The following CHCHD3 variants were observed in gnomAD, a reference collection of about 807,000 sequenced individuals.
The protein encoded by CHCHD3 is coiled-coil-helix-coiled-coil-helix domain containing 3, also known as MICOS complex subunit MIC19.
In CHCHD3, 20 loss-of-function variants were observed where a neutral mutation model predicts 38.2. That is an observed-to-expected ratio of 0.52 (90% confidence interval 0.37 to 0.76). CHCHD3 has a LOEUF of 0.76. CHCHD3 is among the 30% of genes least tolerant of loss of function. The pLI, the probability that CHCHD3 is intolerant of heterozygous loss-of-function variation, is 0.00. For missense variants in CHCHD3, 245 were observed against 279.2 expected (o/e 0.88, Z 0.87); for synonymous variants, 82 against 100.0 (o/e 0.82, Z 1.07).
At chr7:133,006,458 C>T (rs566867858) in intron 3 of CHCHD3, among the ~76,000 whole-genome samples, 27 of 150,816 alleles carry the variant, frequency 1.8e-4, no homozygotes, top group African/African-American at 6.3e-4. Context: ...CAGAGCAAGA[C>T]TCCGTCTCAT....
chr7:132,911,100 A>C (rs1269870484), intron 4 of CHCHD3, among the ~76,000 whole-genome samples: 3 of 152,214 alleles, frequency 2.0e-5, no homozygotes, highest in African/African-American at 7.2e-5. Context: ...ATAAGGGTTA[A>C]AAGGGCAAGA....
intron 3 of CHCHD3, among the ~76,000 whole-genome samples, chr7:132,985,457 A>G (rs868553750): frequency 2.8e-5 from 1 of 36,014 alleles, no homozygotes; most frequent in Non-Finnish European, 5.6e-5. Context: ...TACTGGGAAG[A>G]GAGGAGCCCC....
At chr7:132,863,051 T>C (rs1226565114) in intron 5 of CHCHD3, among the ~76,000 whole-genome samples, 2 of 152,200 alleles carry the variant, frequency 1.3e-5, no homozygotes, top group Non-Finnish European at 2.9e-5. Context: ...TTAACTGATA[T>C]TTTGACCTCT....
intron 4 of CHCHD3, among the ~76,000 whole-genome samples, chr7:132,927,891 A>G (rs1223646733): frequency 6.6e-6 from 1 of 152,216 alleles, no homozygotes; most frequent in Admixed American, 6.5e-5. Context: ...ACCTACTCCT[A>G]AAGACATCTT....
intron 5 of CHCHD3, among the ~76,000 whole-genome samples, chr7:132,881,848 A>G (rs952077675): frequency 1.3e-5 from 2 of 152,220 alleles, no homozygotes; most frequent in Admixed American, 6.6e-5. Flanking sequence ...AATACAGAAG[A>G]AAATCTCTTT....
intron 4 of CHCHD3, among the ~76,000 whole-genome samples, chr7:132,961,195 T>C (rs1309277911): frequency 6.6e-6 from 1 of 152,198 alleles, no homozygotes; most frequent in East Asian, 1.9e-4. Flanking sequence ...AGCAGGAGGA[T>C]CACTTGAGCC....
At chr7:132,793,194 T>TACAA (rs1806510255) in intron 7 of CHCHD3, among the ~76,000 whole-genome samples, 1 of 152,110 alleles carries the variant, frequency 6.6e-6, no homozygotes, top group African/African-American at 2.4e-5. Flanking sequence ...ACCTATTTGG[T>TACAA]ACAAGCAGCA....
intron 3 of CHCHD3, among the ~76,000 whole-genome samples, chr7:133,019,991 AACAGACTGCCG>A (rs561518721): frequency 2.8e-4 from 42 of 152,192 alleles, no homozygotes; most frequent in Admixed American, 1.9e-3. Context: ...TCACAGCAAA[AACAGACTGCCG>A]ACAGAGGCAT....
chr7:132,943,317 C>T (rs1160006268), intron 4 of CHCHD3, among the ~76,000 whole-genome samples: 6 of 152,046 alleles, frequency 3.9e-5, no homozygotes, highest in Non-Finnish European at 7.4e-5. Context: ...ATTGCCTTGA[C>T]AAATATTTTT....
At chr7:133,079,031 C>T (rs924831349) in intron 1 of CHCHD3, among the ~76,000 whole-genome samples, 1 of 152,074 alleles carries the variant, frequency 6.6e-6, no homozygotes, top group Non-Finnish European at 1.5e-5. Context: ...CTATTTAAAG[C>T]CAAGAAAAAT....
intron 3 of CHCHD3, among the ~76,000 whole-genome samples, chr7:132,996,835 C>T (rs1162784456): frequency 1.3e-5 from 2 of 152,102 alleles, no homozygotes; most frequent in Non-Finnish European, 2.9e-5. Context: ...GGGTGGGACG[C>T]AAAGCAAGGG....
rs58508838 is a variant in CHCHD3, at chr7:132,799,007, CTGTGTGTGTG to C, written c.525-2440_525-2431del. Reference sequence around the variant, plus strand: ...TTGATTTCCTGTTTGGTGATCTGTTCTGTGTGTGTGTGTGTGTGTGTGTGTGTGTGTGTGT... The same window carrying C: ...TTGATTTCCTGTTTGGTGATCTGTTCTGTGTGTGTGTGTGTGTGTGTGTGT... On this transcript the variant is annotated intron_variant, in intron 6 of 7. Transcript: ENST00000262570. Among the ~76,000 whole-genome samples, 311 of 145,582 alleles carry C rather than the reference CTGTGTGTGTG, an allele frequency of 2.1e-3. 3 individuals carry two copies. Among genetic ancestry groups the C allele is most frequent in the African/African-American group, 4.0e-3 (157 of 39,196 alleles).
chr7:133,023,561 G>C (rs756097028), intron 3 of CHCHD3, among the ~76,000 whole-genome samples: 3 of 152,112 alleles, frequency 2.0e-5, no homozygotes, highest in Non-Finnish European at 4.4e-5. Flanking sequence ...GCATGTGTTT[G>C]GTGCTCACAG....
intron 2 of CHCHD3, among the ~76,000 whole-genome samples, chr7:133,039,584 A>T (rs1296054676): frequency 2.0e-5 from 3 of 152,242 alleles, no homozygotes; most frequent in Admixed American, 6.5e-5. Context: ...CTTGCATGTC[A>T]GAGTTGCCAA....
intron 3 of CHCHD3, among the ~76,000 whole-genome samples, chr7:133,010,965 G>A (rs1048758744): frequency 6.6e-6 from 1 of 152,196 alleles, no homozygotes; most frequent in East Asian, 1.9e-4. Context: ...GCTAGGATGA[G>A]AGAACAGGAA....
chr7:133,031,531 TC>T (rs1813504167), intron 2 of CHCHD3, among the ~76,000 whole-genome samples: 1 of 152,032 alleles, frequency 6.6e-6, no homozygotes, highest in Non-Finnish European at 1.5e-5. Context: ...ACACTATAAT[TC>T]CCTCCCCAAT....
intron 5 of CHCHD3, among the ~76,000 whole-genome samples, chr7:132,851,269 CT>C (rs1472650480): frequency 6.6e-6 from 1 of 152,074 alleles, no homozygotes; most frequent in East Asian, 1.9e-4. Flanking sequence ...AAAAATATGC[CT>C]TCATTTCCAG....
At chr7:132,988,760 AT>A (rs1812194559) in intron 3 of CHCHD3, among the ~76,000 whole-genome samples, 1 of 151,012 alleles carries the variant, frequency 6.6e-6, no homozygotes, top group Admixed American at 6.6e-5. Flanking sequence ...ACAAAAAAAA[AT>A]TTTTTTATCA....
At chr7:133,066,835 C>A (rs1814683411) in intron 2 of CHCHD3, among the ~76,000 whole-genome samples, 2 of 152,190 alleles carry the variant, frequency 1.3e-5, no homozygotes, top group Admixed American at 1.3e-4. Flanking sequence ...AAAGCTAGAA[C>A]AACCAACAAT....
Sources: gnomAD v4.1 joint callset for allele counts (sites outside exome capture counted in the v4.1 genomes callset) on GRCh38, gnomAD v4.1.1 for gene constraint, MANE v1.5 for transcripts, NCBI Gene and HGNC (gene_info 2026-07-23, HGNC 2026-07-21) for gene names.